APBA1: variants seen among roughly 807,000 people sequenced by gnomAD.
The protein encoded by APBA1 is amyloid-beta A4 precursor protein-binding family A member 1.
In APBA1, 55 loss-of-function variants were observed where a neutral mutation model predicts 86.6. That is an observed-to-expected ratio of 0.64 (90% CI 0.51 to 0.80). The LOEUF (loss-of-function observed/expected upper bound fraction) is 0.80. Ranked by LOEUF, APBA1 falls within the 30% of genes least tolerant of loss-of-function variation. APBA1 has a pLI of 0.00. For synonymous variants in APBA1, 511 were observed against 493.9 expected (o/e 1.03, Z -0.46); for missense variants, 1,090 against 1,183.0 (o/e 0.92, Z 1.15).
intron 1 of APBA1, among the ~76,000 whole-genome samples, chr9:69,617,529 AC>A (rs1193052252): frequency 6.7e-6 from 1 of 150,360 alleles, no homozygotes. Flanking sequence ...TATTCCCTGT[AC>A]ACCTCCACCT....
At chr9:69,450,327 C>T (rs1470588393) in intron 9 of APBA1, among the ~76,000 whole-genome samples, 1 of 152,094 alleles carries the variant, frequency 6.6e-6, no homozygotes, top group African/African-American at 2.4e-5. Context: ...AACCAAAAGG[C>T]TGGGTGTGCA....
intron 11 of APBA1, among the ~76,000 whole-genome samples, chr9:69,433,553 C>T (rs1031679382): frequency 6.6e-6 from 1 of 152,172 alleles, no homozygotes; most frequent in Non-Finnish European, 1.5e-5. Context: ...GTTAACAACT[C>T]CTTGTTCGTA....
intron 1 of APBA1, among the ~76,000 whole-genome samples, chr9:69,527,721 C>T (rs139912165): frequency 6.6e-6 from 1 of 152,228 alleles, no homozygotes; most frequent in East Asian, 1.9e-4. Context: ...TGACTCTATA[C>T]TTACTCTATA....
chr9:69,456,217 CA>C (rs911621596), intron 8 of APBA1, 29 bp downstream of exon 8: 1 of 1,613,446 alleles, frequency 6.2e-7, no homozygotes, highest in African/African-American at 1.3e-5. Context: ...GAACCTAACC[CA>C]AAAGGAGATC....
intron 1 of APBA1, among the ~76,000 whole-genome samples, chr9:69,561,829 G>A (rs531034234): frequency 6.6e-5 from 10 of 152,168 alleles, no homozygotes; most frequent in East Asian, 3.9e-4. Flanking sequence ...GTTTCGTCAC[G>A]TTGGCCAGGC....
intron 10 of APBA1, among the ~76,000 whole-genome samples, chr9:69,441,773 C>T (rs1400745226): frequency 1.3e-5 from 2 of 152,168 alleles, no homozygotes; most frequent in Non-Finnish European, 2.9e-5. Flanking sequence ...GGAAGAAATA[C>T]GACTTGCAGA....
chr9:69,492,384 T>C (rs1835728362), intron 2 of APBA1, among the ~76,000 whole-genome samples: 1 of 152,158 alleles, frequency 6.6e-6, no homozygotes, highest in African/African-American at 2.4e-5. Context: ...ATTTCAGCCC[T>C]CTGGGAGAGT....
chr9:69,486,756 C>T (rs7857219), intron 2 of APBA1, among the ~76,000 whole-genome samples: 26,501 of 151,856 alleles, frequency 0.17, 2,459 homozygotes, highest in Admixed American at 0.21. Context: ...GCTGCGGAGC[C>T]GGGCTGGGAC....
At chr9:69,634,738 C>A (rs2134001553) in intron 1 of APBA1, among the ~76,000 whole-genome samples, 1 of 152,210 alleles carries the variant, frequency 6.6e-6, no homozygotes, top group Non-Finnish European at 1.5e-5. Context: ...ATAAAAGAAA[C>A]AAACAACATA....
chr9:69,567,105 G>A (rs1012848427), intron 1 of APBA1, among the ~76,000 whole-genome samples: 11 of 152,116 alleles, frequency 7.2e-5, no homozygotes, highest in Admixed American at 6.5e-5. Context: ...ACAAAAACCT[G>A]TAGATTCTAG....
At chr9:69,545,134 C>A (rs1447998990) in intron 1 of APBA1, among the ~76,000 whole-genome samples, 1 of 152,202 alleles carries the variant, frequency 6.6e-6, no homozygotes, top group Non-Finnish European at 1.5e-5. Context: ...CAATTCTCAT[C>A]TGGGCTGGTT....
At chr9:69,549,534 C>T (rs1394406986) in intron 1 of APBA1, among the ~76,000 whole-genome samples, 4 of 152,182 alleles carry the variant, frequency 2.6e-5, no homozygotes, top group Admixed American at 6.5e-5. Flanking sequence ...AGAATCATGA[C>T]ATGGCCCATG....
intron 1 of APBA1, among the ~76,000 whole-genome samples, chr9:69,550,961 ATAAG>A (rs1836775199): frequency 1.3e-5 from 2 of 152,334 alleles, no homozygotes; most frequent in South Asian, 4.1e-4. Context: ...GTATAAATAT[ATAAG>A]TAAATATACA....
At chr9:69,563,643 GT>G (rs1316489387) in intron 1 of APBA1, among the ~76,000 whole-genome samples, 1 of 151,792 alleles carries the variant, frequency 6.6e-6, no homozygotes, top group Non-Finnish European at 1.5e-5. Context: ...TGCTTACTTG[GT>G]TTTAATTTTT....
intron 1 of APBA1, among the ~76,000 whole-genome samples, chr9:69,537,091 C>A (rs1054405912): frequency 1.2e-4 from 18 of 150,796 alleles, no homozygotes; most frequent in Non-Finnish European, 2.1e-4. Flanking sequence ...TGACTTCTCC[C>A]AAATCTTAGT....
At chr9:69,475,266 T>G (rs928982543) in intron 3 of APBA1, among the ~76,000 whole-genome samples, 7 of 152,322 alleles carry the variant, frequency 4.6e-5, no homozygotes, top group East Asian at 3.9e-4. Flanking sequence ...AAGGGATACT[T>G]TAGAGCTGCA....
intron 1 of APBA1, among the ~76,000 whole-genome samples, chr9:69,661,540 T>C (rs1409068956): frequency 1.3e-5 from 2 of 152,146 alleles, no homozygotes; most frequent in African/African-American, 2.4e-5. Context: ...TCTGAGTCCT[T>C]GCCACCCCAC....
chr9:69,485,305 C>T (rs564914527), intron 2 of APBA1, among the ~76,000 whole-genome samples: 34 of 152,108 alleles, frequency 2.2e-4, no homozygotes, highest in South Asian at 6.2e-4. Context: ...GACATGGCCG[C>T]GTGAAGCCTA....
chr9:69,512,833 C>T (rs1836073573), intron 2 of APBA1, among the ~76,000 whole-genome samples: 1 of 152,162 alleles, frequency 6.6e-6, no homozygotes, highest in Non-Finnish European at 1.5e-5. Context: ...ACTTGCATTT[C>T]TAATAAGTAC....
Sources: allele counts gnomAD v4.1 joint callset (sites outside exome capture counted in the v4.1 genomes callset), GRCh38; gene constraint gnomAD v4.1.1; transcripts MANE v1.5; gene names NCBI Gene and HGNC (gene_info 2026-07-23, HGNC 2026-07-21).